WWOX: variants seen among roughly 807,000 people sequenced by gnomAD.
WWOX encodes the protein WW domain containing oxidoreductase, also known as WW domain-containing oxidoreductase.
Under a neutral mutation model 46.2 loss-of-function variants are expected in WWOX, and 69 were observed. That is an observed-to-expected ratio of 1.49 (90% CI 1.23 to 1.82). The LOEUF (loss-of-function observed/expected upper bound fraction) is 1.82. Among genes scored for constraint, WWOX ranks in the 40% most tolerant of loss-of-function variants. The pLI is 0.00. For missense variants in WWOX, 919 were observed against 542.6 expected, an observed-to-expected ratio of 1.69 and a Z score of -6.89; for synonymous variants, 359 against 202.6, an observed-to-expected ratio of 1.77 and a Z score of -6.56.
chr16:78,295,745 C>CA (rs1254947179), intron 5 of WWOX, among the ~76,000 whole-genome samples: 8 of 146,016 alleles, frequency 5.5e-5, no homozygotes, highest in Admixed American at 4.1e-4. Context: ...AACAAACAAA[C>CA]AAAAACTTGT....
rs116481045 is a variant in WWOX, at chr16:78,771,865, C to T, written c.1056+339113C>T. 2.0e-3 allele frequency among the ~76,000 whole-genome samples: 299 copies of T among 151,576 alleles called. 2 individuals are homozygous for T. The highest frequency in any genetic ancestry group is 7.0e-3 in the African/African-American group (291 of 41,298). ...TTTAACGAGTTCAGTCTAGCTCTCT[C>T]ACAAAAAAAAAGTTAAAATGACAAA... On this transcript the variant is annotated intron_variant, in intron 8 of 8. Transcript: ENST00000566780.
At chr16:78,578,284 A>ATATATATATATATATATATTT (rs1555567122) in intron 8 of WWOX, among the ~76,000 whole-genome samples, 2 of 20,838 alleles carry the variant, frequency 9.6e-5, no homozygotes, top group Non-Finnish European at 1.6e-4. Context: ...ATATATATAT[A>ATATATATATATATATATATTT]TTTTTTTTTT....
At chr16:78,491,787 A>G (rs1220685075) in intron 8 of WWOX, among the ~76,000 whole-genome samples, 1 of 152,216 alleles carries the variant, frequency 6.6e-6, no homozygotes, top group East Asian at 1.9e-4. Context: ...AGAAAATAGC[A>G]TATAAAGTCA....
At chr16:78,575,054 T>C (rs868765620) in intron 8 of WWOX, among the ~76,000 whole-genome samples, 15 of 15,458 alleles carry the variant, frequency 9.7e-4, no homozygotes, top group African/African-American at 3.1e-3. Context: ...TATATATATA[T>C]ATATATATAT....
At chr16:78,838,543 A>T (rs2052052337) in intron 8 of WWOX, among the ~76,000 whole-genome samples, 1 of 152,204 alleles carries the variant, frequency 6.6e-6, no homozygotes. Flanking sequence ...AGAAAATTAT[A>T]AAAATAGAAA....
At chr16:78,170,747 A>T (rs1430048166) in intron 5 of WWOX, among the ~76,000 whole-genome samples, 1 of 152,256 alleles carries the variant, frequency 6.6e-6, no homozygotes, top group African/African-American at 2.4e-5. Flanking sequence ...TACACTCTGC[A>T]TATATTTTGG....
At chr16:78,207,465 T>C (rs896280229) in intron 5 of WWOX, among the ~76,000 whole-genome samples, 1 of 152,228 alleles carries the variant, frequency 6.6e-6, no homozygotes, top group African/African-American at 2.4e-5. Context: ...TCTTTTTACA[T>C]CTTTGTCAGC....
chr16:78,174,589 G>A (rs949612028), intron 5 of WWOX, among the ~76,000 whole-genome samples: 8 of 152,082 alleles, frequency 5.3e-5, no homozygotes, highest in Admixed American at 1.3e-4. Context: ...AACTCATTCC[G>A]GCATCAGCTG....
intron 5 of WWOX, among the ~76,000 whole-genome samples, chr16:78,185,239 C>T (rs1297144696): frequency 6.6e-6 from 1 of 152,146 alleles, no homozygotes. Context: ...TTTCCACGGT[C>T]ATGTCAAGCC....
At chr16:78,565,175 A>G (rs1431087620) in intron 8 of WWOX, among the ~76,000 whole-genome samples, 2 of 152,228 alleles carry the variant, frequency 1.3e-5, no homozygotes, top group East Asian at 3.8e-4. Flanking sequence ...TTTGAAGTCT[A>G]ACTCCATCAC....
At chr16:79,165,162 A>C (rs1363431867) in intron 8 of WWOX, among the ~76,000 whole-genome samples, 4 of 152,212 alleles carry the variant, frequency 2.6e-5, no homozygotes, top group South Asian at 2.1e-4. Context: ...AAAAAAAAAA[A>C]AAAACTAGAT....
At chr16:79,137,189 G>C (rs1411262600) in intron 8 of WWOX, among the ~76,000 whole-genome samples, 1 of 152,190 alleles carries the variant, frequency 6.6e-6, no homozygotes, top group Non-Finnish European at 1.5e-5. Flanking sequence ...TGCTGGTAAT[G>C]TGGCGGTTTT....
chr16:78,585,672 TG>T (rs975950869), intron 8 of WWOX, among the ~76,000 whole-genome samples: 1 of 144,592 alleles, frequency 6.9e-6, no homozygotes, highest in African/African-American at 2.8e-5. Context: ...TGTTTTGTTT[TG>T]GGTTTTTTTT....
intron 8 of WWOX, among the ~76,000 whole-genome samples, chr16:78,893,193 G>GA (rs1052640606): frequency 0.081 from 11,696 of 143,986 alleles, 605 homozygotes; most frequent in Middle Eastern, 0.15. Flanking sequence ...ACTATAGCTA[G>GA]AAAAAAAAAA....
chr16:79,209,755 G>T (rs993381881), intron 8 of WWOX, among the ~76,000 whole-genome samples: 3 of 152,160 alleles, frequency 2.0e-5, no homozygotes, highest in Non-Finnish European at 4.4e-5. Flanking sequence ...GTCTTTAGAG[G>T]CACTTCTGCT....
chr16:79,062,989 A>T (rs567277504), intron 8 of WWOX, among the ~76,000 whole-genome samples: 1 of 152,336 alleles, frequency 6.6e-6, no homozygotes, highest in South Asian at 2.1e-4. Context: ...GATGCCGAGG[A>T]TATTTTTAGC....
intron 3 of WWOX, 57 bp from the exon 4 acceptor site, chr16:78,114,919 A>C: frequency 6.2e-7 from 1 of 1,609,866 alleles, no homozygotes; most frequent in Non-Finnish European, 8.5e-7. Flanking sequence ...AGATTGTCTT[A>C]TATTTATAAA....
intron 8 of WWOX, among the ~76,000 whole-genome samples, chr16:79,125,498 A>C (rs2049732873): frequency 6.6e-6 from 1 of 152,208 alleles, no homozygotes; most frequent in South Asian, 2.1e-4. Flanking sequence ...GGGATCCAGT[A>C]CGCCCAGGCT....
intron 8 of WWOX, among the ~76,000 whole-genome samples, chr16:78,950,533 T>TACACACACACACACACACACAC (rs141591649): frequency 6.8e-6 from 1 of 146,960 alleles, no homozygotes; most frequent in Non-Finnish European, 1.5e-5. Flanking sequence ...CACACACACA[T>TACACACACACACACACACACAC]ACACACACAC....
Sources: allele counts gnomAD v4.1 joint callset (sites outside exome capture counted in the v4.1 genomes callset), GRCh38; gene constraint gnomAD v4.1.1; transcripts MANE v1.5; gene names NCBI Gene and HGNC (gene_info 2026-07-23, HGNC 2026-07-21).